CHKA: variants seen among roughly 807,000 people sequenced by gnomAD.
CHKA encodes CHETK-alpha.
CHKA carries 34 observed loss-of-function variants against 60.1 expected under a neutral mutation model. The observed-to-expected ratio is 0.57, with a 90% CI of 0.43 to 0.75. The LOEUF (loss-of-function observed/expected upper bound fraction) is 0.75, where lower values mean the gene tolerates loss of function less well. CHKA is among the 30% of genes least tolerant of loss of function. The pLI is 0.00. For missense variants in CHKA, 563 were observed against 561.3 expected (o/e 1.00, Z -0.03); for synonymous variants, 217 against 223.1 (o/e 0.97, Z 0.24).
chr11:68,063,787 A>T (rs903965646), intron 10 of CHKA, among the ~76,000 whole-genome samples: 1 of 152,094 alleles, frequency 6.6e-6, no homozygotes, highest in Non-Finnish European at 1.5e-5. Context: ...TTTTACAAGT[A>T]TTTGGTAGTC....
At position 68,121,030 on chromosome 11, in the gene CHKA, C is replaced by G; in HGVS notation, c.148G>C (p.Gly50Arg). ...ASDLESKQLG[G>R]QQPPLALPPP... ...GGCAGCGCGAGCGGCGGCTGTTGGC[C>G]GCCCAGCTGCTTGGACTCGAGGTCG... Residue 50 changes from glycine (G) to arginine (R), a missense_variant, in exon 1 of 12, where the codon GGC becomes CGC. Coordinates refer to ENST00000265689, the MANE Select transcript of CHKA (RefSeq NM_001277.3). 2.1e-5 allele frequency: 23 copies of G among 1,106,988 alleles called. No individual in the cohort carries two copies. The highest frequency in any genetic ancestry group is 2.5e-5 in the Non-Finnish European group (23 of 909,180). 68.6% of individuals were successfully genotyped at this position (1,106,988 alleles called of 1,614,324 possible).
At chr11:68,076,550 T>C (rs1055964088) in intron 3 of CHKA, among the ~76,000 whole-genome samples, 2 of 152,132 alleles carry the variant, frequency 1.3e-5, no homozygotes, top group African/African-American at 4.8e-5. Context: ...GTCCTGGTGC[T>C]CTGAAGACTG....
Position 68,054,052 on chromosome 11 carries a change from G to A in CHKA, c.1315-5C>T, listed in dbSNP as rs751338931. The A allele has an allele frequency of 9.9e-6, 16 of 1,611,822 alleles. No individual in the cohort carries two copies. In the Admixed American group the frequency reaches 1.8e-4, roughly 19 times the overall value. On this transcript the variant is annotated splice_polypyrimidine_tract_variant and splice_region_variant and intron_variant, in intron 11 of 11. Coordinates refer to ENST00000265689, the MANE Select transcript of CHKA (RefSeq NM_001277.3). ...AAACCTTGCTTGGGCGTAGTCCTAG[G>A]AGACAGCAAAGAGAAGGCCTCAGCA...
intron 11 of CHKA, among the ~76,000 whole-genome samples, chr11:68,061,195 C>A (rs113737675): frequency 0.047 from 7,034 of 149,322 alleles, 192 homozygotes; most frequent in African/African-American, 0.078. Context: ...CAACCTCCAC[C>A]TCCTGGGTTC....
chr11:68,079,621 T>C (rs1201718756), intron 3 of CHKA, among the ~76,000 whole-genome samples: 3 of 152,194 alleles, frequency 2.0e-5, no homozygotes, highest in South Asian at 2.1e-4. Context: ...TGAGCCACCA[T>C]GCCCGGCCTC....
intron 10 of CHKA, among the ~76,000 whole-genome samples, chr11:68,064,100 A>G (rs1203183982): frequency 6.6e-6 from 1 of 152,190 alleles, no homozygotes; most frequent in African/African-American, 2.4e-5. Flanking sequence ...CAAGTCCTAA[A>G]GATGTACGAT....
chr11:68,102,601 T>C (rs1388213577), intron 1 of CHKA, among the ~76,000 whole-genome samples: 1 of 152,026 alleles, frequency 6.6e-6, no homozygotes, highest in Non-Finnish European at 1.5e-5. Context: ...GAAACTGCCA[T>C]AAGAAAACAT....
intron 2 of CHKA, among the ~76,000 whole-genome samples, chr11:68,095,533 C>T (rs546020788): frequency 6.2e-4 from 91 of 146,018 alleles, no homozygotes; most frequent in Admixed American, 1.1e-3. Flanking sequence ...CACGGTGAAA[C>T]CCCGTCTCTA....
In CHKA at chr11:68,053,569, G is replaced by A. The variant is rs3794186; in HGVS notation, c.*419C>T. 14,710 of 178,460 alleles carry A rather than the reference G, an allele frequency of 0.082. 695 individuals carry two copies. Among genetic ancestry groups the A allele is most frequent in the East Asian group, 0.16 (974 of 5,980 alleles). 11.1% of individuals were successfully genotyped at this position (178,460 alleles called of 1,614,324 possible). A position where few individuals can be genotyped will look rare whatever the true frequency, so the allele number is the denominator to read the frequency against. On this transcript the variant is annotated 3_prime_UTR_variant, in exon 12 of 12. Transcript: ENST00000265689. ...GAGTGAGCACCGTCTATAACACATC[G>A]CCATCTACAAAAGCCTGGTCACAGT... is the stretch of plus-strand genomic sequence containing the variant.
Position 68,121,182 on chromosome 11 carries a change from G to T in CHKA, c.-5C>A. ...GGTGCAGAATTTGGTTTTCATGCCC[G>T]ACAGGCGGCCGAGGAGGCGCGGGCG... On this transcript the variant is annotated 5_prime_UTR_variant, in exon 1 of 12. Coordinates refer to ENST00000265689, the MANE Select transcript of CHKA (RefSeq NM_001277.3). 1 of 1,180,222 alleles carries T rather than the reference G, an allele frequency of 8.5e-7. No individual in the cohort carries two copies. Among genetic ancestry groups the T allele is most frequent in the South Asian group, 2.3e-5 (1 of 42,852 alleles). The allele number at this position is 1,180,222 out of a possible 1,614,324, so 73.1% of individuals were successfully genotyped here.
At chr11:68,068,312 T>A (rs746912299) in intron 7 of CHKA, among the ~76,000 whole-genome samples, 1 of 152,186 alleles carries the variant, frequency 6.6e-6, no homozygotes, top group Non-Finnish European at 1.5e-5. Context: ...TCATACATGT[T>A]TACTGTAAGG....
intron 11 of CHKA, among the ~76,000 whole-genome samples, chr11:68,056,628 T>C (rs1215513302): frequency 6.6e-6 from 1 of 151,986 alleles, no homozygotes; most frequent in Admixed American, 6.6e-5. Flanking sequence ...CAAGAATGAG[T>C]TCCCCAACCC....
At chr11:68,068,736 A>G in intron 7 of CHKA, 143 bp downstream of exon 7, 1 of 587,288 alleles carries the variant, frequency 1.7e-6, no homozygotes, top group Non-Finnish European at 3.1e-6. Context: ...TATAAAAATA[A>G]TACAAAACCT....
intron 1 of CHKA, 66 bp downstream of exon 1, chr11:68,120,762 A>C (rs1487764022): frequency 2.4e-5 from 8 of 332,050 alleles, no homozygotes; most frequent in Non-Finnish European, 2.9e-5. Flanking sequence ...CCCTGCCCGG[A>C]CCCCGCCCCG....
chr11:68,121,064 G>T lies in CHKA; in HGVS notation c.114C>A (p.Asp38Glu), dbSNP rs1858628418. 3.6e-6 allele frequency: 4 copies of T among 1,116,312 alleles called. No homozygotes were observed. Among genetic ancestry groups the T allele is most frequent in the Non-Finnish European group, 4.4e-6 (4 of 914,698 alleles). 69.2% of individuals were successfully genotyped at this position (1,116,312 alleles called of 1,614,324 possible). ...APAPGVGQQR[D>E]AASDLESKQL... The stretch of plus-strand genomic sequence containing the variant: ...GCTTGGACTCGAGGTCGCTGGCGGC[G>T]TCGCGCTGCTGCCCCACGCCGGGCG... Residue 38 changes from aspartate to glutamate, a missense_variant, in exon 1 of 12, where the codon GAC becomes GAA. By Grantham distance (45) the Asp-to-Glu change is conservative (BLOSUM62 2). Coordinates refer to ENST00000265689, the MANE Select transcript of CHKA (RefSeq NM_001277.3).
chr11:68,112,127 G>A (rs951870812), intron 1 of CHKA, among the ~76,000 whole-genome samples: 1 of 144,300 alleles, frequency 6.9e-6, no homozygotes, highest in African/African-American at 2.6e-5. Flanking sequence ...CTAGACAGAC[G>A]TTACACTTCC....
rs747074659 is a variant in CHKA at position 68,074,735 on chromosome 11, T to A, written c.612A>T (p.Arg204=). 7.7e-5 allele frequency: 124 copies of A among 1,614,064 alleles called. No individual in the cohort carries two copies. The highest frequency in any genetic ancestry group is 1.0e-4 in the Non-Finnish European group (120 of 1,180,036). The part of the protein sequence containing the change: ...PKLYGIFPQG[R]LEQFIPSRRL... The stretch of plus-strand genomic sequence containing the variant: ...ATCTTACCGGGATGAACTGCTCCAG[T>A]CGGCCTTGGGGAAAGATGCCATAGA... Residue 204 remains arginine, a synonymous_variant, in exon 4 of 12, where the codon CGA becomes CGT. Coordinates refer to ENST00000265689, the MANE Select transcript of CHKA (RefSeq NM_001277.3).
chr11:68,105,243 A>G (rs1857868908), intron 1 of CHKA, among the ~76,000 whole-genome samples: 1 of 151,950 alleles, frequency 6.6e-6, no homozygotes, highest in African/African-American at 2.4e-5. Flanking sequence ...TAGGCCGGAC[A>G]TGGTGGCTCA....
chr11:68,069,727 T>C (rs1378942951), intron 6 of CHKA, among the ~76,000 whole-genome samples: 1 of 151,406 alleles, frequency 6.6e-6, no homozygotes, highest in Non-Finnish European at 1.5e-5. Context: ...AGTGTACAGA[T>C]GTGAGTGGCC....
Sources: allele counts gnomAD v4.1 joint callset (sites outside exome capture counted in the v4.1 genomes callset), GRCh38; gene constraint gnomAD v4.1.1; transcripts MANE v1.5; gene names NCBI Gene and HGNC (gene_info 2026-07-23, HGNC 2026-07-21).